The following ADAMTSL4 variants were observed in gnomAD, a reference collection of about 807,000 sequenced individuals.
The protein encoded by ADAMTSL4 is ADAMTS like 4, also known as ADAMTS-like protein 4.
Under a neutral mutation model 122.8 loss-of-function variants are expected in ADAMTSL4, and 97 were observed. That is an observed-to-expected ratio of 0.79 (90% confidence interval 0.67 to 0.93). The LOEUF (loss-of-function observed/expected upper bound fraction) is 0.93, where lower values mean the gene tolerates loss of function less well. Among genes scored for constraint, ADAMTSL4 ranks in the 40% least tolerant of loss-of-function variants. The probability of loss-of-function intolerance (pLI) is 0.00; values close to 1 mark genes in which losing one functional copy is unlikely to be tolerated. For synonymous variants in ADAMTSL4, 592 were observed against 568.0 expected, an observed-to-expected ratio of 1.04 and a Z score of -0.60; for missense variants, 1,408 against 1,453.5, an observed-to-expected ratio of 0.97 and a Z score of 0.51.
intron 13 of ADAMTSL4, 105 bp downstream of exon 13, chr1:150,557,728 C>T: frequency 7.2e-7 from 1 of 1,398,568 alleles, no homozygotes; most frequent in Non-Finnish European, 9.7e-7. Context: ...CTCCTGGCTG[C>T]AGAGAGACAA....
chr1:150,558,482 C>G lies in ADAMTSL4; in HGVS notation c.2392C>G (p.Arg798Gly), dbSNP rs763279620. 1 of 1,613,560 alleles carries G rather than the reference C, an allele frequency of 6.2e-7. No homozygotes were observed. The highest frequency in any genetic ancestry group is 8.5e-7 in the Non-Finnish European group (1 of 1,179,980). Residue 798 changes from arginine (R) to glycine (G), a missense_variant, in exon 15 of 19, where the codon CGG (arginine) becomes GGG (glycine). Coordinates refer to ENST00000271643, the MANE Select transcript of ADAMTSL4 (RefSeq NM_019032.6). ...CCCCTCGCCCCCTCAGTGCTCCGTG[C>G]GGTGCGGCCGGGGCCAGAGAAGCCG... ...VGSPWSQCSV[R>G]CGRGQRSRQV...
Position 150,559,828 on chromosome 1 carries a change from T to TG in ADAMTSL4, c.3011_3012insG (p.Ser1005GlnfsTer17). 6.2e-7 allele frequency: 1 copy of TG among 1,613,942 alleles called. No individual in the cohort carries two copies. Among genetic ancestry groups the TG allele is most frequent in the Non-Finnish European group, 8.5e-7 (1 of 1,179,990 alleles). On this transcript the variant is annotated frameshift_variant, in exon 18 of 19. Coordinates refer to ENST00000271643, the MANE Select transcript of ADAMTSL4 (RefSeq NM_019032.6). LOFTEE classifies it high-confidence loss of function. The surrounding 1 kb of genome is among the most constrained non-coding windows in gnomAD (Gnocchi z 4.1). ...CAGTGCCTGAGCACCAACCAGACCC[T>TG]CAGCACCCGATGCCCTCCTCAACTG...
rs369738573 is a variant in ADAMTSL4 at position 150,560,174 on chromosome 1, G to C, written c.3203G>C (p.Arg1068Pro). Residue 1068 changes from arginine to proline, a missense_variant, in exon 19 of 19, where the codon CGG becomes CCG. By Grantham distance (103) the Arg-to-Pro change is moderately radical. Transcript: ENST00000271643. ...CGCTCTTGCGCACATGTCCTGGAGC[G>C]GTCTCCCCAGGATCCCTCCTGAAAG... ...CCRSCAHVLERSPQDPS is the reference protein window; with the variant it reads ...CCRSCAHVLEPSPQDPS The C allele has an allele frequency of 2.5e-6, 4 of 1,613,976 alleles. No homozygotes were observed. Among genetic ancestry groups the C allele is most frequent in the African/African-American group, 2.7e-5 (2 of 75,004 alleles).
intron 12 of ADAMTSL4, 74 bp from the exon 13 acceptor site, chr1:150,557,420 G>A (rs1672281630): frequency 5.6e-6 from 9 of 1,608,794 alleles, no homozygotes; most frequent in South Asian, 2.2e-5. Context: ...GGCCACGCCC[G>A]ACCCTGCGTC....
In ADAMTSL4 at chr1:150,553,467, A is replaced by C. The variant is rs769815738; in HGVS notation, c.476A>C (p.Tyr159Ser). The C allele has an allele frequency of 7.4e-6, 12 of 1,613,848 alleles. No homozygotes were observed. In the South Asian group the frequency reaches 1.3e-4, roughly 18 times the overall value. ...CCCATCAAGCCAGGAATGTTCGGTT[A>C]TGGGAGAGTGCCCTTTGCATTGCCA... ...RDPIKPGMFGYGRVPFALPLH... is the reference protein window; with the variant it reads ...RDPIKPGMFGSGRVPFALPLH... Residue 159 changes from tyrosine (Y) to serine (S), a missense_variant, in exon 6 of 19, where the codon TAT becomes TCT. Physicochemically the swap from Tyr to Ser is moderately radical, Grantham distance 144 (BLOSUM62 -2). Coordinates refer to ENST00000271643, the MANE Select transcript of ADAMTSL4 (RefSeq NM_019032.6).
At position 150,557,536 on chromosome 1, in the gene ADAMTSL4, G is replaced by C; in HGVS notation, c.2090G>C (p.Gly697Ala). The change falls in exon 13 of 19, where the codon GGA (glycine) becomes GCA (alanine). Residue 697 changes from glycine (G) to alanine (A), a missense_variant. Gly to Ala is a moderately conservative substitution (Grantham distance 60). Coordinates refer to ENST00000271643, the MANE Select transcript of ADAMTSL4 (RefSeq NM_019032.6). ...TTCCTCTGCATCTCCCGTGAGTCGG[G>C]AGAGGAACTGGATGAACGCAGCTGT... Reference protein sequence around the residue: ...PIFLCISRESGEELDERSCAA... With the variant: ...PIFLCISRESAEELDERSCAA... The C allele has an allele frequency of 6.2e-7, 1 of 1,612,158 alleles. No individual in the cohort carries two copies. The highest frequency in any genetic ancestry group is 8.5e-7 in the Non-Finnish European group (1 of 1,179,532).
Position 150,556,829 on chromosome 1 carries a change from AG to A in ADAMTSL4, c.1749+39del. ...GGCCAGGGGCAGCTGAATGCTGGGG[AG>A]GGAGGCTGTTCCCTCTGGGCAGAGC... On this transcript the variant is annotated intron_variant, in intron 10 of 18. Transcript: ENST00000271643. The surrounding 1 kb of genome is among the most constrained non-coding windows in gnomAD (Gnocchi z 4.1). 1.3e-6 allele frequency: 2 copies of A among 1,528,960 alleles called. No homozygotes were observed. The highest frequency in any genetic ancestry group is 1.7e-6 in the Non-Finnish European group (2 of 1,143,568). The allele number at this position is 1,528,960 out of a possible 1,614,324, so 94.7% of individuals were successfully genotyped here.
rs143983374 is a variant in ADAMTSL4, at chr1:150,558,993, G to T, written c.2591G>T (p.Arg864Leu). The T allele has an allele frequency of 6.2e-7, 1 of 1,610,910 alleles. No homozygotes were observed. Among genetic ancestry groups the T allele is most frequent in the Non-Finnish European group, 8.5e-7 (1 of 1,179,550 alleles). ...CSAECGTGIQ[R>L]RSVVCLGSGA... ...GCCGAGTGTGGGACGGGAATCCAGC[G>T]GCGCTCTGTGGTCTGCCTTGGGAGT... Residue 864 changes from arginine (R) to leucine (L), a missense_variant, in exon 16 of 19, where the codon CGG becomes CTG. Physicochemically the swap from Arg to Leu is moderately radical, Grantham distance 102. Transcript: ENST00000271643.
chr1:150,557,646 G>C, intron 13 of ADAMTSL4, 23 bp downstream of exon 13: 1 of 1,592,596 alleles, frequency 6.3e-7, no homozygotes, highest in Non-Finnish European at 8.5e-7. Context: ...GAGCCCACGG[G>C]GAGGGTTAGG....
chr1:150,556,170 C>T lies in ADAMTSL4; in HGVS notation c.1380C>T (p.Gly460=). The change falls in exon 9 of 19, where the codon GGC becomes GGT. Residue 460 remains glycine, a synonymous_variant. Coordinates refer to ENST00000271643, the MANE Select transcript of ADAMTSL4 (RefSeq NM_019032.6). This position sits in a 1 kb window ranked among gnomAD's most constrained non-coding sequence, Gnocchi z 4.1. ...CACCTCACTCTCTCCAGAGCCCCGG[C>T]TGTGATGGGATCCTTGGCTCTGGCA... ...ICVAGRCLSP[G]CDGILGSGRR... The T allele has an allele frequency of 6.2e-7, 1 of 1,614,122 alleles. No homozygotes were observed. Among genetic ancestry groups the T allele is most frequent in the Non-Finnish European group, 8.5e-7 (1 of 1,180,008 alleles).
intron 15 of ADAMTSL4, 80 bp from the exon 16 acceptor site, chr1:150,558,882 G>A: frequency 6.5e-7 from 1 of 1,541,052 alleles, no homozygotes; most frequent in Non-Finnish European, 8.7e-7. Flanking sequence ...GACCCAGGAT[G>A]CGTCCCTCCC....
In ADAMTSL4 at chr1:150,554,583, C is replaced by T. The variant is rs185118272; in HGVS notation, c.1234+116C>T. The T allele has an allele frequency of 5.0e-4, 782 of 1,554,506 alleles. No individual in the cohort carries two copies. The highest frequency in any genetic ancestry group is 4.7e-4 in the Non-Finnish European group (537 of 1,149,040). On this transcript the variant is annotated intron_variant, in intron 7 of 18. Transcript: ENST00000271643. This position sits in a 1 kb window ranked among gnomAD's most constrained non-coding sequence, Gnocchi z 4.0. The stretch of plus-strand genomic sequence containing the variant: ...ACTTCCAGCCCCTCTGCTTCCCCTG[C>T]GCCATGCCTTCTTTCTTCTCCCTGG...
chr1:150,557,147 C>T lies in ADAMTSL4; in HGVS notation c.1862-3C>T, dbSNP rs750813378. ...CATCTGATTCGCCTGCTCCCCTGCA[C>T]AGAGATTCTGAGGGTGGAGCCCCCA... On this transcript the variant is annotated splice_polypyrimidine_tract_variant and splice_region_variant and intron_variant, in intron 11 of 18. Transcript: ENST00000271643. The T allele has an allele frequency of 1.2e-6, 2 of 1,612,594 alleles. No individual in the cohort carries two copies. Among genetic ancestry groups the T allele is most frequent in the South Asian group, 1.1e-5 (1 of 91,086 alleles).
rs1560297064 is a variant in ADAMTSL4 at position 150,556,825 on chromosome 1, G to A, written c.1749+32G>A. On this transcript the variant is annotated intron_variant, in intron 10 of 18. Coordinates refer to ENST00000271643, the MANE Select transcript of ADAMTSL4 (RefSeq NM_019032.6). This position sits in a 1 kb window ranked among gnomAD's most constrained non-coding sequence, Gnocchi z 4.1. The stretch of plus-strand genomic sequence containing the variant: ...CTGGGGCCAGGGGCAGCTGAATGCT[G>A]GGGAGGGAGGCTGTTCCCTCTGGGC... 2 of 1,546,706 alleles carry A rather than the reference G, an allele frequency of 1.3e-6. No individual in the cohort carries two copies. Among genetic ancestry groups the A allele is most frequent in the Non-Finnish European group, 1.7e-6 (2 of 1,152,414 alleles).
rs1671955727 is a variant in ADAMTSL4, at chr1:150,555,610, C to CATAG, written c.1371+46_1371+47insTAGA. On this transcript the variant is annotated intron_variant, in intron 8 of 18. Coordinates refer to ENST00000271643, the MANE Select transcript of ADAMTSL4 (RefSeq NM_019032.6). ...GTGTGCACACACACATGCATATGCA[C>CATAG]ACAGACACATGCCCCCATATGCATA... The CATAG allele has an allele frequency of 2.1e-6, 3 of 1,451,810 alleles. No individual in the cohort carries two copies. In the African/African-American group the frequency reaches 5.3e-5, roughly 25 times the overall value. The allele number at this position is 1,451,810 out of a possible 1,614,324, so 89.9% of individuals were successfully genotyped here.
rs1672175120 is a variant in ADAMTSL4, at chr1:150,556,769, C to T, written c.1725C>T (p.Pro575=). The change falls in exon 10 of 19, where the codon CCC becomes CCT. Residue 575 remains proline, a synonymous_variant. Transcript: ENST00000271643. This position sits in a 1 kb window ranked among gnomAD's most constrained non-coding sequence, Gnocchi z 4.1. ...GKGESLSAEG[P]TTQPVDVYMI... ...GGGAGAGTCTGTCGGCTGAAGGCCC[C>T]ACCACCCAGCCTGTGGATGTCTATG... The T allele has an allele frequency of 1.2e-6, 2 of 1,613,330 alleles. No individual in the cohort carries two copies. The highest frequency in any genetic ancestry group is 1.7e-6 in the Non-Finnish European group (2 of 1,179,414).
At position 150,554,224 on chromosome 1, in the gene ADAMTSL4, G is replaced by A; in HGVS notation, c.1131+102G>A. The A allele has an allele frequency of 6.7e-7, 1 of 1,484,080 alleles. No individual in the cohort carries two copies. The highest frequency in any genetic ancestry group is 9.3e-7 in the Non-Finnish European group (1 of 1,077,888). The allele number at this position is 1,484,080 out of a possible 1,614,324, so 91.9% of individuals were successfully genotyped here. A position where few individuals can be genotyped will look rare whatever the true frequency, so the allele number is the denominator to read the frequency against. On this transcript the variant is annotated intron_variant, in intron 6 of 18. Transcript: ENST00000271643. This position sits in a 1 kb window ranked among gnomAD's most constrained non-coding sequence, Gnocchi z 4.0. ...TCCGCTTGGCACCTGAGGGAGAAGG[G>A]CCTTGGCATCTGACCACCTCAGGGC... is the stretch of plus-strand genomic sequence containing the variant.
Position 150,552,690 on chromosome 1 carries a change from C to T in ADAMTSL4, c.78+90C>T, listed in dbSNP as rs1353379230. 3 of 1,504,758 alleles carry T rather than the reference C, an allele frequency of 2.0e-6. No homozygotes were observed. The highest frequency in any genetic ancestry group is 2.7e-6 in the Non-Finnish European group (3 of 1,104,082). 93.2% of individuals were successfully genotyped at this position (1,504,758 alleles called of 1,614,324 possible). ...CACCCCATCTCTCCAGGCCACGCCT[C>T]CATTCCCCACAGCCCACCCACCTCC... On this transcript the variant is annotated intron_variant, in intron 4 of 18. Coordinates refer to ENST00000271643, the MANE Select transcript of ADAMTSL4 (RefSeq NM_019032.6). This position sits in a 1 kb window ranked among gnomAD's most constrained non-coding sequence, Gnocchi z 4.0.
Position 150,558,035 on chromosome 1 carries a change from G to T in ADAMTSL4, c.2268G>T (p.Gly756=). The change falls in exon 14 of 19, where the codon GGG becomes GGT. Residue 756 remains glycine, a synonymous_variant. Transcript: ENST00000271643. ...RQLQCRQEFG[G]GGSSVPPERC... ...TGCAGTGCCGGCAGGAATTTGGGGG[G>T]GGTGGCTCCTCGGTGCCCCCGGAGC... The T allele has an allele frequency of 6.2e-7, 1 of 1,612,832 alleles. No individual in the cohort carries two copies. The highest frequency in any genetic ancestry group is 8.5e-7 in the Non-Finnish European group (1 of 1,179,850).
Sources: gnomAD v4.1 joint callset for allele counts on GRCh38, gnomAD v4.1.1 for gene constraint, Gnocchi (gnomAD v3.1) non-coding constraint, MANE v1.5 for transcripts, NCBI Gene and HGNC (gene_info 2026-07-23, HGNC 2026-07-21) for gene names.